The following VCPIP1 variants were observed in gnomAD, a reference collection of about 807,000 sequenced individuals.
The protein encoded by VCPIP1 is valosin containing protein interacting protein 1.
Under a neutral mutation model 85.0 loss-of-function variants are expected in VCPIP1, and 8 were observed. The ratio of observed to expected loss-of-function variants is 0.09; its 90% CI spans 0.06 to 0.17. VCPIP1 has a LOEUF of 0.17. Among genes scored for constraint, VCPIP1 ranks in the 10% least tolerant of loss-of-function variants. The pLI is 1.00. For missense variants in VCPIP1, 1,070 were observed against 1,486.3 expected (o/e 0.72, Z 4.61); for synonymous variants, 543 against 544.5 (o/e 1.00, Z 0.04).
chr8:66,662,392 A>AT (rs1436187721), intron 1 of VCPIP1, among the ~76,000 whole-genome samples: 1 of 152,182 alleles, frequency 6.6e-6, no homozygotes, highest in Non-Finnish European at 1.5e-5. Flanking sequence ...GCAGTATATG[A>AT]ACATTGCCGA....
Position 66,651,553 on chromosome 8 carries a change from CA to C in VCPIP1, c.2711-10del. On this transcript the variant is annotated splice_polypyrimidine_tract_variant and intron_variant, in intron 1 of 2. Transcript: ENST00000310421. Reference sequence around the variant, plus strand: ...AGACCATACATCTTCTCCTGTAAGACAAAAACAGATATAGTATTAGCAACAA... The same window carrying C: ...AGACCATACATCTTCTCCTGTAAGACAAAACAGATATAGTATTAGCAACAA... 1.2e-6 allele frequency: 2 copies of C among 1,608,362 alleles called. No individual in the cohort carries two copies.
intron 2 of VCPIP1, among the ~76,000 whole-genome samples, chr8:66,647,558 AAG>A (rs1290359232): frequency 3.9e-5 from 6 of 152,180 alleles, no homozygotes; most frequent in African/African-American, 1.2e-4. Flanking sequence ...CAAAACAGAA[AAG>A]AGATTCTACA....
Position 66,651,423 on chromosome 8 carries a change from G to A in VCPIP1, c.2797+35C>T, listed in dbSNP as rs761187379. 6 of 1,462,340 alleles carry A rather than the reference G, an allele frequency of 4.1e-6. 1 individual carries two copies. In the South Asian group the frequency reaches 4.9e-5, roughly 12 times the overall value. 90.6% of individuals were successfully genotyped at this position (1,462,340 alleles called of 1,614,324 possible). On this transcript the variant is annotated intron_variant, in intron 2 of 2. Coordinates refer to ENST00000310421, the MANE Select transcript of VCPIP1 (RefSeq NM_025054.5). Reference sequence around the variant, plus strand: ...TTAATCTTAAAACAGCTTCAGTAGAGCTATTATTTAAGAATAAAATCAAAT... The same window carrying A: ...TTAATCTTAAAACAGCTTCAGTAGAACTATTATTTAAGAATAAAATCAAAT...
intron 2 of VCPIP1, among the ~76,000 whole-genome samples, chr8:66,640,711 AC>A (rs1458260205): frequency 1.1e-4 from 9 of 82,190 alleles, no homozygotes; most frequent in African/African-American, 7.9e-4. Context: ...GGATGGCTTG[AC>A]GGGGGGTACT....
chr8:66,641,340 A>C (rs1367100391), intron 2 of VCPIP1, among the ~76,000 whole-genome samples: 1 of 152,198 alleles, frequency 6.6e-6, no homozygotes, highest in Non-Finnish European at 1.5e-5. Flanking sequence ...ACCCATTTTA[A>C]ATGTATAAAC....
chr8:66,661,083 G>A (rs1376653536), intron 1 of VCPIP1, among the ~76,000 whole-genome samples: 3 of 152,030 alleles, frequency 2.0e-5, no homozygotes, highest in Non-Finnish European at 4.4e-5. Flanking sequence ...AGTCATAAGC[G>A]AACTAGAGGA....
chr8:66,648,159 G>C (rs1321645377), intron 2 of VCPIP1, among the ~76,000 whole-genome samples: 2 of 152,006 alleles, frequency 1.3e-5, no homozygotes, highest in African/African-American at 4.8e-5. Context: ...CAATAAAAAG[G>C]AATAAACTCT....
At position 66,634,702 on chromosome 8, in the gene VCPIP1, A is replaced by G; in HGVS notation, c.3468T>C (p.Gly1156=). ...CAGTTAAAGGAAAAGATTCAGGCAA[A>G]CCAGTCTGAAGACTCCCAGACTTTG... The part of the protein sequence containing the change: ...SSAKSGSLQT[G]LPESFPLTGG... The change falls in exon 3 of 3, where the codon GGT becomes GGC. Residue 1156 remains glycine, a synonymous_variant. Coordinates refer to ENST00000310421, the MANE Select transcript of VCPIP1 (RefSeq NM_025054.5). 1 of 1,614,200 alleles carries G rather than the reference A, an allele frequency of 6.2e-7. No homozygotes were observed. The highest frequency in any genetic ancestry group is 1.1e-5 in the South Asian group (1 of 91,074).
At chr8:66,642,798 C>T (rs1420701429) in intron 2 of VCPIP1, among the ~76,000 whole-genome samples, 3 of 152,034 alleles carry the variant, frequency 2.0e-5, no homozygotes, top group Non-Finnish European at 4.4e-5. Context: ...ATGCCACCCC[C>T]TTATCCTTCA....
chr8:66,660,387 A>G (rs998170039), intron 1 of VCPIP1, among the ~76,000 whole-genome samples: 1 of 152,226 alleles, frequency 6.6e-6, no homozygotes, highest in African/African-American at 2.4e-5. Flanking sequence ...ATTGTGATAG[A>G]TGCCGTGAGG....
chr8:66,644,941 A>T (rs1291631784), intron 2 of VCPIP1, among the ~76,000 whole-genome samples: 1 of 151,870 alleles, frequency 6.6e-6, no homozygotes, highest in Non-Finnish European at 1.5e-5. Context: ...TCTACAAAAA[A>T]TACAAAAATT....
At position 66,662,056 on chromosome 8, in the gene VCPIP1, C is replaced by G. The variant is rs570840123; in HGVS notation, c.2710+2193G>C. 8.2e-4 allele frequency among the ~76,000 whole-genome samples: 124 copies of G among 152,124 alleles called. 1 individual carries two copies. The South Asian group carries it at 0.011, about 13-fold the overall frequency. Reference sequence around the variant, plus strand: ...TGCTGGGATTACAGGCATGAGCCACCGTGACTGGCTCTGATCATATTTTTA... The same window carrying G: ...TGCTGGGATTACAGGCATGAGCCACGGTGACTGGCTCTGATCATATTTTTA... On this transcript the variant is annotated intron_variant, in intron 1 of 2. Transcript: ENST00000310421.
intron 1 of VCPIP1, among the ~76,000 whole-genome samples, chr8:66,656,702 C>G (rs1811103739): frequency 6.6e-6 from 1 of 151,982 alleles, no homozygotes; most frequent in Non-Finnish European, 1.5e-5. Context: ...CTCTATCTTC[C>G]AGGTTCCAGC....
chr8:66,667,124 G>C lies in VCPIP1; in HGVS notation c.-166C>G, dbSNP rs1811227796. 3 of 1,382,500 alleles carry C rather than the reference G, an allele frequency of 2.2e-6. No individual in the cohort carries two copies. In the South Asian group the frequency reaches 5.1e-5, roughly 24 times the overall value. 85.6% of individuals were successfully genotyped at this position (1,382,500 alleles called of 1,614,324 possible). ...AGCGAAGGCGGAAGCGCCGGACGTT[G>C]TTTCTCTTCTTACTTCTCCACTGCC... is the stretch of plus-strand genomic sequence containing the variant. On this transcript the variant is annotated 5_prime_UTR_variant, in exon 1 of 3. Transcript: ENST00000310421.
At chr8:66,648,531 ATCT>A (rs1811019034) in intron 2 of VCPIP1, among the ~76,000 whole-genome samples, 2 of 8,532 alleles carry the variant, frequency 2.3e-4, no homozygotes, top group South Asian at 3.0e-3. Context: ...TATCTAATCT[ATCT>A]ATCTATCTAT....
rs992788212 is a variant in VCPIP1, at chr8:66,645,761, A to G, written c.2797+5697T>C. Among the ~76,000 whole-genome samples, 4 of 139,766 alleles carry G rather than the reference A, an allele frequency of 2.9e-5. No individual in the cohort carries two copies. The East Asian group carries it at 6.0e-4, about 21-fold the overall frequency. 91.7% of individuals were successfully genotyped at this position (139,766 alleles called of 152,430 possible). A position where few individuals can be genotyped will look rare whatever the true frequency, so the allele number is the denominator to read the frequency against. ...AATATGGCAAAACCCTGTCTCTACAAAAAAAAAAAAAAAAAAAAAATTAGC... is the reference window on the plus strand; with the variant it reads ...AATATGGCAAAACCCTGTCTCTACAGAAAAAAAAAAAAAAAAAAAATTAGC... On this transcript the variant is annotated intron_variant, in intron 2 of 2. Transcript: ENST00000310421.
chr8:66,654,270 G>A (rs1811079255), intron 1 of VCPIP1, among the ~76,000 whole-genome samples: 1 of 152,262 alleles, frequency 6.6e-6, no homozygotes, highest in South Asian at 2.1e-4. Flanking sequence ...GACGTCAGGA[G>A]TTCAAGACCA....
intron 2 of VCPIP1, among the ~76,000 whole-genome samples, chr8:66,647,223 C>T (rs552702626): frequency 9.2e-5 from 14 of 151,870 alleles, no homozygotes; most frequent in Non-Finnish European, 1.8e-4. Context: ...CGCCTGTAAT[C>T]CCAGCTACTT....
chr8:66,635,337 G>A lies in VCPIP1; in HGVS notation c.2833C>T (p.Leu945=). 1 of 1,613,774 alleles carries A rather than the reference G, an allele frequency of 6.2e-7. No individual in the cohort carries two copies. Among genetic ancestry groups the A allele is most frequent in the Non-Finnish European group, 8.5e-7 (1 of 1,179,984 alleles). The change falls in exon 3 of 3, where the codon CTG becomes TTG. Residue 945 remains leucine (L), a synonymous_variant. Coordinates refer to ENST00000310421, the MANE Select transcript of VCPIP1 (RefSeq NM_025054.5). The part of the protein sequence containing the change: ...ADGKHCTFPH[L]PGKTFVYNAS... The stretch of plus-strand genomic sequence containing the variant: ...TTATAGACAAAGGTTTTGCCAGGCA[G>A]ATGTGGAAAAGTACAATGCTTGCCA...
Sources: allele counts gnomAD v4.1 joint callset (sites outside exome capture counted in the v4.1 genomes callset), GRCh38; gene constraint gnomAD v4.1.1; transcripts MANE v1.5; gene names NCBI Gene and HGNC (gene_info 2026-07-23, HGNC 2026-07-21).